TAFA2: variants seen among roughly 807,000 people sequenced by gnomAD.
TAFA2 encodes chemokine-like protein TAFA-2.
In TAFA2, 7 loss-of-function variants were observed where a neutral mutation model predicts 18.8. That is an observed-to-expected ratio of 0.37 (90% CI 0.21 to 0.70). The LOEUF (loss-of-function observed/expected upper bound fraction) is 0.70. Ranked by LOEUF, TAFA2 falls within the 30% of genes least tolerant of loss-of-function variation. The pLI is 0.53. For synonymous variants in TAFA2, 60 were observed against 54.2 expected, an observed-to-expected ratio of 1.11 and a Z score of -0.47; for missense variants, 122 against 158.1, an observed-to-expected ratio of 0.77 and a Z score of 1.23.
chr12:62,074,906 T>C (rs1168407042), intron 1 of TAFA2, among the ~76,000 whole-genome samples: 1 of 152,072 alleles, frequency 6.6e-6, no homozygotes, highest in African/African-American at 2.4e-5. Flanking sequence ...TTTGCCACGT[T>C]GCCCAGGCTG....
intron 1 of TAFA2, among the ~76,000 whole-genome samples, chr12:62,201,222 A>T (rs974737437): frequency 6.6e-6 from 1 of 152,128 alleles, no homozygotes; most frequent in Non-Finnish European, 1.5e-5. Context: ...CTATTTGAAT[A>T]TGCTTTATTT....
intron 4 of TAFA2, among the ~76,000 whole-genome samples, chr12:61,721,825 C>T (rs969472139): frequency 2.0e-5 from 3 of 151,876 alleles, no homozygotes; most frequent in Non-Finnish European, 2.9e-5. Flanking sequence ...GGGGTGGTGG[C>T]GGTTGCCTGA....
At chr12:62,224,879 G>A (rs767091339) in intron 1 of TAFA2, among the ~76,000 whole-genome samples, 43 of 152,060 alleles carry the variant, frequency 2.8e-4, no homozygotes, top group South Asian at 8.3e-4. Context: ...TTACATTTTC[G>A]CAGATTTTTA....
chr12:61,807,024 G>GATTGTTAAA (rs1285012559), intron 2 of TAFA2, among the ~76,000 whole-genome samples: 34 of 146,494 alleles, frequency 2.3e-4, no homozygotes, highest in African/African-American at 8.9e-4. Context: ...ATTCAAGCCA[G>GATTGTTAAA]CTGCAGAAAT....
At chr12:62,024,535 T>C (rs1444453206) in intron 1 of TAFA2, among the ~76,000 whole-genome samples, 4 of 152,076 alleles carry the variant, frequency 2.6e-5, no homozygotes, top group South Asian at 2.1e-4. Context: ...AAAACACCAA[T>C]TTGGACATTG....
chr12:62,108,435 T>C (rs933436355), intron 1 of TAFA2, among the ~76,000 whole-genome samples: 3 of 152,230 alleles, frequency 2.0e-5, no homozygotes, highest in Admixed American at 6.5e-5. Flanking sequence ...TTGTGAACAA[T>C]GGTGCATTAA....
intron 3 of TAFA2, 29 bp downstream of exon 3, chr12:61,754,843 G>A: frequency 6.2e-7 from 1 of 1,609,684 alleles, no homozygotes; most frequent in Non-Finnish European, 8.5e-7. Flanking sequence ...TGGCTGTGCT[G>A]TTACAATAAG....
chr12:62,047,515 T>C (rs748973340), intron 1 of TAFA2, among the ~76,000 whole-genome samples: 1 of 152,140 alleles, frequency 6.6e-6, no homozygotes, highest in East Asian at 1.9e-4. Context: ...GAAGACTAAA[T>C]TTGGTTAGAT....
At chr12:62,204,633 T>C (rs934606413) in intron 1 of TAFA2, among the ~76,000 whole-genome samples, 1 of 152,190 alleles carries the variant, frequency 6.6e-6, no homozygotes, top group African/African-American at 2.4e-5. Context: ...TATTGATACT[T>C]GTGGTTGCAA....
intron 2 of TAFA2, among the ~76,000 whole-genome samples, chr12:61,769,417 C>G (rs1869929710): frequency 6.6e-6 from 1 of 151,858 alleles, no homozygotes. Flanking sequence ...CACCTCTTAG[C>G]TGGAGGCCAA....
chr12:61,864,044 T>C (rs760074074), intron 2 of TAFA2, among the ~76,000 whole-genome samples: 40 of 152,158 alleles, frequency 2.6e-4, no homozygotes, highest in Non-Finnish European at 4.7e-4. Flanking sequence ...TCACTTGCTC[T>C]CATTCTCCTG....
chr12:61,769,806 T>C (rs1198300962), intron 2 of TAFA2, among the ~76,000 whole-genome samples: 1 of 151,992 alleles, frequency 6.6e-6, no homozygotes, highest in Non-Finnish European at 1.5e-5. Context: ...AGAAAAACAG[T>C]TCTGAAAATA....
upstream of TAFA2, among the ~76,000 whole-genome samples, chr12:62,197,267 C>T (rs2062652964): frequency 6.6e-6 from 1 of 152,210 alleles, no homozygotes; most frequent in Non-Finnish European, 1.5e-5. Context: ...GCACAACAAG[C>T]TGAGGAATAG....
At chr12:62,020,852 A>G (rs997508329) in intron 1 of TAFA2, among the ~76,000 whole-genome samples, 1 of 152,234 alleles carries the variant, frequency 6.6e-6, no homozygotes, top group African/African-American at 2.4e-5. Flanking sequence ...AACTGAAAAT[A>G]GTTTTTACAT....
chr12:61,799,386 T>C (rs1871313198), intron 2 of TAFA2, among the ~76,000 whole-genome samples: 6 of 152,112 alleles, frequency 3.9e-5, no homozygotes, highest in South Asian at 2.1e-4. Context: ...TTGATAAAAA[T>C]GATGAGAGGG....
At chr12:62,249,509 C>G (rs1272259125) in intron 1 of TAFA2, among the ~76,000 whole-genome samples, 1 of 152,128 alleles carries the variant, frequency 6.6e-6, no homozygotes, top group Admixed American at 6.5e-5. Flanking sequence ...GCACCTCTCC[C>G]CACGCTCTCC....
intron 1 of TAFA2, among the ~76,000 whole-genome samples, chr12:62,096,183 A>G (rs994158237): frequency 1.3e-5 from 2 of 152,054 alleles, no homozygotes; most frequent in African/African-American, 4.8e-5. Context: ...CTTAATCTTT[A>G]AGCACAGCCC....
chr12:61,779,599 G>T (rs1029334011), intron 2 of TAFA2, among the ~76,000 whole-genome samples: 2 of 151,796 alleles, frequency 1.3e-5, no homozygotes, highest in African/African-American at 4.8e-5. Flanking sequence ...CCAGGTTTTT[G>T]AACATGTGCT....
At chr12:62,169,930 C>T (rs2062465801) in intron 1 of TAFA2, among the ~76,000 whole-genome samples, 1 of 151,050 alleles carries the variant, frequency 6.6e-6, no homozygotes, top group Admixed American at 6.6e-5. Context: ...ATTTGTTCTA[C>T]CCAAAACTGA....
Sources: allele counts gnomAD v4.1 joint callset (sites outside exome capture counted in the v4.1 genomes callset), GRCh38; gene constraint gnomAD v4.1.1; transcripts MANE v1.5; gene names NCBI Gene and HGNC (gene_info 2026-07-23, HGNC 2026-07-21).